Variants in ZDHHC14 observed in about 807,000 individuals in gnomAD.
ZDHHC14 encodes the protein palmitoyltransferase ZDHHC14.
ZDHHC14 carries 16 observed loss-of-function variants against 47.7 expected under a neutral mutation model. The observed-to-expected ratio is 0.34, with a 90% CI of 0.23 to 0.51. ZDHHC14 has a LOEUF of 0.51. Ranked by LOEUF, ZDHHC14 falls within the 20% of genes least tolerant of loss-of-function variation. The pLI is 0.97. For missense variants in ZDHHC14, 515 were observed against 662.5 expected, an observed-to-expected ratio of 0.78 and a Z score of 2.44; for synonymous variants, 293 against 278.9, an observed-to-expected ratio of 1.05 and a Z score of -0.50.
intron 2 of ZDHHC14, among the ~76,000 whole-genome samples, chr6:157,576,917 T>C (rs143546222): frequency 0.036 from 5,544 of 152,314 alleles, 141 homozygotes; most frequent in Non-Finnish European, 0.056. Flanking sequence ...AGGTTTCTTA[T>C]ACAGGTAAAC....
chr6:157,520,454 A>G (rs1249871528), intron 1 of ZDHHC14, among the ~76,000 whole-genome samples: 1 of 152,236 alleles, frequency 6.6e-6, no homozygotes, highest in Non-Finnish European at 1.5e-5. Flanking sequence ...GTAAGTTTAT[A>G]GGAAGGGAAA....
rs1781564239 is a variant in ZDHHC14, at chr6:157,536,905, G to A, written c.246-5680G>A. Among the ~76,000 whole-genome samples, 3 of 103,934 alleles carry A rather than the reference G, an allele frequency of 2.9e-5. 1 individual carries two copies. The highest frequency in any genetic ancestry group is 5.9e-5 in the Non-Finnish European group (3 of 51,148). The allele number at this position is 103,934 out of a possible 152,430, so 68.2% of individuals were successfully genotyped here. A position where few individuals can be genotyped will look rare whatever the true frequency, so the allele number is the denominator to read the frequency against. On this transcript the variant is annotated intron_variant, in intron 1 of 8. Transcript: ENST00000359775. ...GGGATCTCGGCTCACTGCAAGCTCC[G>A]CCTCCCGGGTTCACGCCATTCTCCT...
At chr6:157,660,353 A>T (rs1284822564) in intron 8 of ZDHHC14, among the ~76,000 whole-genome samples, 1 of 151,964 alleles carries the variant, frequency 6.6e-6, no homozygotes, top group African/African-American at 2.4e-5. Flanking sequence ...CCACCACGTC[A>T]GGCTAATTTT....
intron 1 of ZDHHC14, among the ~76,000 whole-genome samples, chr6:157,440,500 G>A (rs778573779): frequency 6.6e-6 from 1 of 152,116 alleles, no homozygotes; most frequent in Non-Finnish European, 1.5e-5. Flanking sequence ...CACTTTGGAG[G>A]TTCCTCAAAA....
intron 2 of ZDHHC14, among the ~76,000 whole-genome samples, chr6:157,570,765 A>C (rs1783066129): frequency 6.6e-6 from 1 of 151,658 alleles, no homozygotes. Context: ...ACACACACAC[A>C]CACACATATA....
At chr6:157,447,540 C>T (rs763151368) in intron 1 of ZDHHC14, among the ~76,000 whole-genome samples, 1 of 152,166 alleles carries the variant, frequency 6.6e-6, no homozygotes, top group Non-Finnish European at 1.5e-5. Flanking sequence ...AGTGCTTGGA[C>T]AGGCAGGCTG....
At chr6:157,559,509 G>A (rs756686148) in intron 2 of ZDHHC14, among the ~76,000 whole-genome samples, 36 of 152,182 alleles carry the variant, frequency 2.4e-4, no homozygotes, top group Admixed American at 6.5e-4. Context: ...GAAAGAATCC[G>A]CTCAAGCTGG....
At chr6:157,410,467 C>A (rs139602602) in intron 1 of ZDHHC14, among the ~76,000 whole-genome samples, 27 of 152,264 alleles carry the variant, frequency 1.8e-4, no homozygotes, top group African/African-American at 6.3e-4. Context: ...ACTTGCAGAT[C>A]TTTGAGCCAG....
At chr6:157,602,936 A>G (rs1035215939) in intron 3 of ZDHHC14, among the ~76,000 whole-genome samples, 2 of 152,208 alleles carry the variant, frequency 1.3e-5, no homozygotes, top group African/African-American at 4.8e-5. Context: ...CAATCAAACA[A>G]TCTAATCCAT....
intron 3 of ZDHHC14, among the ~76,000 whole-genome samples, chr6:157,613,592 G>A (rs1350089246): frequency 3.9e-5 from 6 of 152,170 alleles, no homozygotes; most frequent in African/African-American, 1.2e-4. Flanking sequence ...CATGCCACAC[G>A]ATAGGCACCT....
chr6:157,474,789 A>G (rs576642262), intron 1 of ZDHHC14, among the ~76,000 whole-genome samples: 1 of 152,232 alleles, frequency 6.6e-6, no homozygotes, highest in East Asian at 1.9e-4. Flanking sequence ...TTCCTTATGT[A>G]TTTTGAATAT....
chr6:157,658,079 C>G (rs1778180759), intron 8 of ZDHHC14, among the ~76,000 whole-genome samples: 1 of 152,168 alleles, frequency 6.6e-6, no homozygotes, highest in Admixed American at 6.5e-5. Flanking sequence ...TAAGTGTCGG[C>G]TATTATTATT....
intron 1 of ZDHHC14, among the ~76,000 whole-genome samples, chr6:157,504,293 C>T (rs999267862): frequency 6.6e-6 from 1 of 150,716 alleles, no homozygotes; most frequent in Non-Finnish European, 1.5e-5. Context: ...CTGCAAGCTC[C>T]GCCTCCCGGG....
Position 157,677,682 on chromosome 6 carries a change from T to G in ZDHHC14, c.*4560T>G, listed in dbSNP as rs1409682280. The G allele has an allele frequency of 6.6e-6, 1 of 152,168 alleles. No individual in the cohort carries two copies. The highest frequency in any genetic ancestry group is 2.4e-5 in the African/African-American group (1 of 41,430). 9.4% of individuals were successfully genotyped at this position (152,168 alleles called of 1,614,324 possible). On this transcript the variant is annotated 3_prime_UTR_variant, in exon 9 of 9. Coordinates refer to ENST00000359775, the MANE Select transcript of ZDHHC14 (RefSeq NM_024630.3). ...AGAGACTTTTCTACCCAGGAAGTGT[T>G]GAATTTTTAAAAGAAACTTGATATT...
At chr6:157,606,576 G>A (rs777514564) in intron 3 of ZDHHC14, among the ~76,000 whole-genome samples, 12 of 152,246 alleles carry the variant, frequency 7.9e-5, no homozygotes, top group East Asian at 7.7e-4. Context: ...GGATGGAAAC[G>A]TCCAGTGGTC....
rs1353090990 is a variant in ZDHHC14 at position 157,673,378 on chromosome 6, T to C, written c.*256T>C. 1.1e-5 allele frequency: 6 copies of C among 535,652 alleles called. No homozygotes were observed. The highest frequency in any genetic ancestry group is 1.9e-5 in the Non-Finnish European group (6 of 313,750). 33.2% of individuals were successfully genotyped at this position (535,652 alleles called of 1,614,324 possible). On this transcript the variant is annotated 3_prime_UTR_variant, in exon 9 of 9. Coordinates refer to ENST00000359775, the MANE Select transcript of ZDHHC14 (RefSeq NM_024630.3). The surrounding 1 kb of genome is among the most constrained non-coding windows in gnomAD (Gnocchi z 5.4). ...GAAATAGAGAAGTGGCTGCTTTCTT[T>C]TGGTGACCCTCCAGGGGTGGAATCG...
chr6:157,390,635 C>T (rs1320065074), intron 1 of ZDHHC14, among the ~76,000 whole-genome samples: 1 of 151,986 alleles, frequency 6.6e-6, no homozygotes, highest in Admixed American at 6.5e-5. Flanking sequence ...GTCGGGTTGT[C>T]TTCAAGTTAA....
intron 2 of ZDHHC14, among the ~76,000 whole-genome samples, chr6:157,549,761 A>G (rs1292544111): frequency 6.6e-6 from 1 of 152,224 alleles, no homozygotes; most frequent in Non-Finnish European, 1.5e-5. Flanking sequence ...GGAAGGAGGG[A>G]GCCAGAGATG....
intron 1 of ZDHHC14, among the ~76,000 whole-genome samples, chr6:157,434,069 A>G (rs866210310): frequency 6.6e-6 from 1 of 152,156 alleles, no homozygotes; most frequent in Non-Finnish European, 1.5e-5. Context: ...CCCTCCTGAG[A>G]TATATGCTAA....
Sources: gnomAD v4.1 joint callset for allele counts (sites outside exome capture counted in the v4.1 genomes callset) on GRCh38, gnomAD v4.1.1 for gene constraint, Gnocchi (gnomAD v3.1) non-coding constraint, MANE v1.5 for transcripts, NCBI Gene and HGNC (gene_info 2026-07-23, HGNC 2026-07-21) for gene names.